The following PRICKLE2 variants were observed in gnomAD, a reference collection of about 807,000 sequenced individuals.
The protein encoded by PRICKLE2 is prickle-like protein 2.
A neutral mutation model predicts 81.4 loss-of-function variants in PRICKLE2; 21 were observed. That is an observed-to-expected ratio of 0.26 (90% CI 0.18 to 0.37). The LOEUF (loss-of-function observed/expected upper bound fraction) is 0.37, where lower values mean the gene tolerates loss of function less well. Ranked by LOEUF, PRICKLE2 falls within the 10% of genes least tolerant of loss-of-function variation. The pLI is 1.00. For synonymous variants in PRICKLE2, 456 were observed against 421.5 expected, an observed-to-expected ratio of 1.08 and a Z score of -1.00; for missense variants, 940 against 1,109.0, an observed-to-expected ratio of 0.85 and a Z score of 2.16.
At chr3:64,234,715 T>C (rs2079155895) in intron 2 of PRICKLE2, among the ~76,000 whole-genome samples, 1 of 152,222 alleles carries the variant, frequency 6.6e-6, no homozygotes. Flanking sequence ...TTCCGCTTTT[T>C]AAGAGCATTC....
At chr3:64,189,010 A>G (rs1485358848) in intron 2 of PRICKLE2, among the ~76,000 whole-genome samples, 1 of 152,234 alleles carries the variant, frequency 6.6e-6, no homozygotes, top group African/African-American at 2.4e-5. Context: ...TGTCAGCTCC[A>G]CAAAGGCAGA....
intron 2 of PRICKLE2, among the ~76,000 whole-genome samples, chr3:64,234,938 T>C (rs1031579794): frequency 1.3e-5 from 2 of 152,214 alleles, no homozygotes; most frequent in African/African-American, 2.4e-5. Flanking sequence ...GGAAGTCTTC[T>C]ACCATTATTT....
intron 1 of PRICKLE2, among the ~76,000 whole-genome samples, chr3:64,212,340 G>A (rs1170512669): frequency 2.6e-5 from 4 of 152,038 alleles, no homozygotes; most frequent in Admixed American, 6.5e-5. Context: ...TTGCTTCATT[G>A]GACATTTATC....
At chr3:64,224,560 C>T (rs188348911) in intron 1 of PRICKLE2, among the ~76,000 whole-genome samples, 1 of 152,314 alleles carries the variant, frequency 6.6e-6, no homozygotes, top group East Asian at 1.9e-4. Context: ...GAAATGACTA[C>T]TGTACATGAA....
intron 2 of PRICKLE2, among the ~76,000 whole-genome samples, chr3:64,257,853 G>A (rs1171806324): frequency 1.3e-5 from 2 of 152,102 alleles, no homozygotes; most frequent in East Asian, 3.9e-4. Flanking sequence ...TAGAAGATGG[G>A]GCTTTTGGGA....
chr3:64,224,893 G>A lies in PRICKLE2; in HGVS notation c.-41+17C>T. ...ACTGCTGTTTAATTTGTGAATTAGA[G>A]CAAATTTCTTACCCACCTCCAGGGA... On this transcript the variant is annotated intron_variant, in intron 1 of 7. Transcript: ENST00000638394. The A allele has an allele frequency of 1.0e-6, 1 of 984,188 alleles. No individual in the cohort carries two copies. Among genetic ancestry groups the A allele is most frequent in the Non-Finnish European group, 1.2e-6 (1 of 829,024 alleles). The allele number at this position is 984,188 out of a possible 1,614,324, so 61.0% of individuals were successfully genotyped here. A position where few individuals can be genotyped will look rare whatever the true frequency, so the allele number is the denominator to read the frequency against.
chr3:64,230,813 T>C (rs1010353549), intron 2 of PRICKLE2, among the ~76,000 whole-genome samples: 1 of 152,230 alleles, frequency 6.6e-6, no homozygotes, highest in Non-Finnish European at 1.5e-5. Context: ...CTGAGATATA[T>C]AAAGTACTGT....
chr3:64,162,809 T>C (rs1449995120), intron 3 of PRICKLE2, among the ~76,000 whole-genome samples: 1 of 152,156 alleles, frequency 6.6e-6, no homozygotes, highest in Non-Finnish European at 1.5e-5. Flanking sequence ...GCCAATCCAG[T>C]TTATAATGAG....
intron 1 of PRICKLE2, among the ~76,000 whole-genome samples, chr3:64,217,364 G>A (rs2078888128): frequency 6.6e-6 from 1 of 152,154 alleles, no homozygotes; most frequent in Non-Finnish European, 1.5e-5. Context: ...GGGGGTACAA[G>A]TGCAGTTTTG....
intron 2 of PRICKLE2, among the ~76,000 whole-genome samples, chr3:64,246,418 C>T (rs1246133588): frequency 6.6e-6 from 1 of 152,162 alleles, no homozygotes; most frequent in Non-Finnish European, 1.5e-5. Flanking sequence ...CAACCTATAG[C>T]ACCCCCACAA....
In PRICKLE2 at chr3:64,119,151, A is replaced by G. The variant is rs926081594; in HGVS notation, c.1661-19226T>C. 9.8e-5 allele frequency among the ~76,000 whole-genome samples: 15 copies of G among 152,310 alleles called. No homozygotes were observed. The East Asian group carries it at 2.1e-3, about 22-fold the overall frequency. Reference sequence around the variant, plus strand: ...AATCAAATACTACATGTTCTTACTTATAAGTGGGAGCTAAATGATGAGAAC... The same window carrying G: ...AATCAAATACTACATGTTCTTACTTGTAAGTGGGAGCTAAATGATGAGAAC... On this transcript the variant is annotated intron_variant, in intron 7 of 7. Coordinates refer to ENST00000638394, the MANE Select transcript of PRICKLE2 (RefSeq NM_198859.4).
intron 7 of PRICKLE2, among the ~76,000 whole-genome samples, chr3:64,112,348 T>C (rs1466922597): frequency 6.6e-6 from 1 of 152,224 alleles, no homozygotes; most frequent in Non-Finnish European, 1.5e-5. Flanking sequence ...CCTTTAGGCT[T>C]GGGATCTTTG....
chr3:64,223,673 CA>C (rs1246642659), intron 1 of PRICKLE2, among the ~76,000 whole-genome samples: 6 of 152,142 alleles, frequency 3.9e-5, no homozygotes, highest in African/African-American at 1.4e-4. Context: ...GATGGAAAGG[CA>C]AAACCTTTAT....
At chr3:64,102,969 C>CGTGT (rs758504958) in intron 7 of PRICKLE2, 6 of 151,740 alleles carry the variant, frequency 4.0e-5, no homozygotes, top group African/African-American at 1.5e-4. Flanking sequence ...TGTGTGTGTG[C>CGTGT]GTGTGTGTGC....
intron 7 of PRICKLE2, among the ~76,000 whole-genome samples, chr3:64,129,103 T>C (rs2106982401): frequency 6.6e-6 from 1 of 152,264 alleles, no homozygotes; most frequent in East Asian, 1.9e-4. Flanking sequence ...CAAATGTCCC[T>C]TGGGGCAGGG....
At chr3:64,228,375 C>T (rs1166311599), upstream of PRICKLE2, among the ~76,000 whole-genome samples, 2 of 152,146 alleles carry the variant, frequency 1.3e-5, no homozygotes, top group African/African-American at 4.8e-5. Flanking sequence ...AGCATGCTGC[C>T]CAAGTCCTTT....
chr3:64,157,073 C>T (rs2077647236), intron 5 of PRICKLE2, 89 bp downstream of exon 5: 2 of 1,247,174 alleles, frequency 1.6e-6, no homozygotes, highest in Non-Finnish European at 2.4e-6. Context: ...CTATGGCTTT[C>T]TTCAGTGCAG....
At chr3:64,122,510 A>G (rs1430679944) in intron 7 of PRICKLE2, among the ~76,000 whole-genome samples, 3 of 152,170 alleles carry the variant, frequency 2.0e-5, no homozygotes, top group Admixed American at 6.5e-5. Context: ...GCCTTTAAAG[A>G]TCCAAAAAAT....
intron 1 of PRICKLE2, among the ~76,000 whole-genome samples, chr3:64,202,645 C>CGTGTGTGTGT (rs71099794): frequency 0.078 from 11,653 of 149,370 alleles, 517 homozygotes; most frequent in East Asian, 0.24. Context: ...TACTTGTGTG[C>CGTGTGTGTGT]GTGTGTGTGT....
Sources: gnomAD v4.1 joint callset for allele counts (sites outside exome capture counted in the v4.1 genomes callset) on GRCh38, gnomAD v4.1.1 for gene constraint, MANE v1.5 for transcripts, NCBI Gene and HGNC (gene_info 2026-07-23, HGNC 2026-07-21) for gene names.